TM7SF3: variants seen among roughly 807,000 people sequenced by gnomAD.
TM7SF3 encodes the protein transmembrane 7 superfamily member 3.
In TM7SF3, 60 loss-of-function variants were observed where a neutral mutation model predicts 65.5. The observed-to-expected ratio is 0.92, with a 90% CI of 0.74 to 1.14. The LOEUF (loss-of-function observed/expected upper bound fraction) is 1.14. Among genes scored for constraint, TM7SF3 ranks in the 50% most tolerant of loss-of-function variants. TM7SF3 has a pLI of 0.00. For synonymous variants in TM7SF3, 264 were observed against 259.6 expected, an observed-to-expected ratio of 1.02 and a Z score of -0.16; for missense variants, 623 against 684.8, an observed-to-expected ratio of 0.91 and a Z score of 1.01.
chr12:26,977,972 T>G (rs1035939009), intron 9 of TM7SF3: 3 of 351,976 alleles, frequency 8.5e-6, no homozygotes, highest in South Asian at 2.1e-5. Flanking sequence ...AGCACACACC[T>G]GTAGTCCCAG....
At chr12:26,985,806 GTTTTTTT>G (rs149988617) in intron 6 of TM7SF3, among the ~76,000 whole-genome samples, 6 of 52,818 alleles carry the variant, frequency 1.1e-4, no homozygotes, top group Non-Finnish European at 1.9e-4. Flanking sequence ...TTTCTTTTTC[GTTTTTTT>G]TTTTTTTTTT....
chr12:27,005,824 TG>T (rs1238755418), intron 1 of TM7SF3, among the ~76,000 whole-genome samples: 2 of 151,832 alleles, frequency 1.3e-5, no homozygotes, highest in Non-Finnish European at 2.9e-5. Flanking sequence ...TTTTTTGAGA[TG>T]GAGTCTCACT....
intron 5 of TM7SF3, among the ~76,000 whole-genome samples, chr12:26,992,734 T>C (rs1031478822): frequency 3.3e-5 from 5 of 152,184 alleles, no homozygotes; most frequent in Non-Finnish European, 5.9e-5. Context: ...ATACTGTATA[T>C]TGCTAGCTCA....
Position 26,973,692 on chromosome 12 carries a change from G to A in TM7SF3, c.*273C>T. 2.8e-6 allele frequency: 1 copy of A among 357,160 alleles called. No individual in the cohort carries two copies. The highest frequency in any genetic ancestry group is 7.6e-4 in the Middle Eastern group (1 of 1,316). The allele number at this position is 357,160 out of a possible 1,614,324, so 22.1% of individuals were successfully genotyped here. ...ATGTATCTATTTAATGGAATAAGTT[G>A]ATCATAGATTTGTAAACCAAAAGGT... On this transcript the variant is annotated 3_prime_UTR_variant, in exon 12 of 12. Transcript: ENST00000343028.
At chr12:27,002,031 C>G (rs1940851492) in intron 2 of TM7SF3, among the ~76,000 whole-genome samples, 1 of 152,182 alleles carries the variant, frequency 6.6e-6, no homozygotes, top group Admixed American at 6.5e-5. Context: ...TACCCCCCTA[C>G]ACACATACCC....
chr12:26,999,029 C>T (rs1463461531), intron 3 of TM7SF3, among the ~76,000 whole-genome samples: 2 of 152,176 alleles, frequency 1.3e-5, no homozygotes, highest in Admixed American at 6.5e-5. Context: ...AAATGTTTTT[C>T]GAATGAATAA....
intron 1 of TM7SF3, among the ~76,000 whole-genome samples, chr12:27,012,112 A>G (rs1941265539): frequency 6.6e-6 from 1 of 152,210 alleles, no homozygotes; most frequent in Non-Finnish European, 1.5e-5. Context: ...TTAAGTACAA[A>G]GCACCATGCC....
At chr12:27,000,461 A>C (rs1940783955) in intron 2 of TM7SF3, among the ~76,000 whole-genome samples, 1 of 151,946 alleles carries the variant, frequency 6.6e-6, no homozygotes, top group African/African-American at 2.4e-5. Flanking sequence ...CATAAAGTAT[A>C]ATTTTTCTTT....
At position 27,004,695 on chromosome 12, in the gene TM7SF3, A is replaced by C. The variant is rs369323885; in HGVS notation, c.92-1305T>G. Among the ~76,000 whole-genome samples the C allele has an allele frequency of 3.9e-5, 6 of 152,332 alleles. No individual in the cohort carries two copies. In the East Asian group the frequency reaches 1.2e-3, roughly 29 times the overall value. ...AAGACACAAATAGTGTTAAGACTAG[A>C]ATAATCTTAACCTCTATATATTTTC... On this transcript the variant is annotated intron_variant, in intron 1 of 11. Transcript: ENST00000343028.
intron 4 of TM7SF3, among the ~76,000 whole-genome samples, chr12:26,995,657 C>T (rs1175843916): frequency 1.3e-5 from 2 of 152,142 alleles, no homozygotes; most frequent in Non-Finnish European, 2.9e-5. Context: ...GAGGTGGGAC[C>T]TTTGGAAGGT....
intron 6 of TM7SF3, 59 bp downstream of exon 6, chr12:26,990,391 A>G: frequency 7.6e-7 from 1 of 1,320,640 alleles, no homozygotes; most frequent in Non-Finnish European, 1.1e-6. Flanking sequence ...AGAACTAGAC[A>G]AAAGCATTAT....
chr12:26,988,712 G>A (rs1440215316), intron 6 of TM7SF3, among the ~76,000 whole-genome samples: 3 of 146,770 alleles, frequency 2.0e-5, no homozygotes, highest in Non-Finnish European at 4.5e-5. Context: ...GTGTGTGTAC[G>A]TATCTATACA....
At position 26,992,225 on chromosome 12, in the gene TM7SF3, G is replaced by T. The variant is rs544501446; in HGVS notation, c.691-1598C>A. Among the ~76,000 whole-genome samples, 23 of 152,180 alleles carry T rather than the reference G, an allele frequency of 1.5e-4. No homozygotes were observed. The South Asian group carries it at 2.5e-3, about 16-fold the overall frequency. ...AAATGTGCTCAGAACACTTACATTA[G>T]ATTCAGTTGAACAAAATCATCTAAC... is the stretch of plus-strand genomic sequence containing the variant. On this transcript the variant is annotated intron_variant, in intron 5 of 11. Coordinates refer to ENST00000343028, the MANE Select transcript of TM7SF3 (RefSeq NM_016551.3).
intron 1 of TM7SF3, 83 bp downstream of exon 1, chr12:27,013,995 C>T (rs538639368): frequency 1.7e-6 from 2 of 1,202,510 alleles, no homozygotes; most frequent in African/African-American, 1.5e-5. Context: ...CCCTGCTAGG[C>T]TGACAGACCC....
chr12:26,983,661 G>A lies in TM7SF3; in HGVS notation c.869-802C>T, dbSNP rs912366124. ...CTGGATAATTGGTGTATGGAGGCTC[G>A]CTGAAGTTTTTCACAATAAAAAATT... On this transcript the variant is annotated intron_variant, in intron 6 of 11. Transcript: ENST00000343028. 5.8e-5 allele frequency: 22 copies of A among 381,316 alleles called. No homozygotes were observed. The Middle Eastern group carries it at 1.1e-3, about 19-fold the overall frequency. The allele number at this position is 381,316 out of a possible 1,614,324, so 23.6% of individuals were successfully genotyped here.
chr12:26,995,766 A>G (rs1940565538), intron 4 of TM7SF3, among the ~76,000 whole-genome samples: 2 of 152,204 alleles, frequency 1.3e-5, no homozygotes, highest in Admixed American at 6.5e-5. Context: ...ATGTGTGGAC[A>G]CAATGACAAC....
intron 7 of TM7SF3, among the ~76,000 whole-genome samples, chr12:26,982,150 C>T (rs2136387165): frequency 6.6e-6 from 1 of 152,234 alleles, no homozygotes; most frequent in Middle Eastern, 3.4e-3. Context: ...CCTCCCACCT[C>T]AGCCTCCCCA....
At chr12:27,010,934 C>G (rs540886162) in intron 1 of TM7SF3, among the ~76,000 whole-genome samples, 1 of 152,318 alleles carries the variant, frequency 6.6e-6, no homozygotes, top group South Asian at 2.1e-4. Context: ...ATTTCCAACT[C>G]TTCCTTTTTA....
chr12:26,976,465 C>T, intron 9 of TM7SF3, 108 bp from the exon 10 acceptor site: 2 of 694,548 alleles, frequency 2.9e-6, no homozygotes, highest in Middle Eastern at 7.5e-4. Context: ...AAGTAACAAC[C>T]AGGGAATATG....
Sources: allele counts gnomAD v4.1 joint callset (sites outside exome capture counted in the v4.1 genomes callset), GRCh38; gene constraint gnomAD v4.1.1; transcripts MANE v1.5; gene names NCBI Gene and HGNC (gene_info 2026-07-23, HGNC 2026-07-21).